Variants in PDGFC observed in about 807,000 individuals in gnomAD.
PDGFC encodes platelet derived growth factor C, also known as platelet-derived growth factor C.
A neutral mutation model predicts 35.5 loss-of-function variants in PDGFC; 12 were observed. That is an observed-to-expected ratio of 0.34 (90% confidence interval 0.22 to 0.55). The LOEUF (loss-of-function observed/expected upper bound fraction) is 0.55. Ranked by LOEUF, PDGFC falls within the 20% of genes least tolerant of loss-of-function variation. PDGFC has a pLI of 0.91. For synonymous variants in PDGFC, 159 were observed against 148.8 expected, an observed-to-expected ratio of 1.07 and a Z score of -0.50; for missense variants, 322 against 412.4, an observed-to-expected ratio of 0.78 and a Z score of 1.90.
chr4:156,893,601 T>C (rs1186205988), intron 1 of PDGFC, among the ~76,000 whole-genome samples: 1 of 151,844 alleles, frequency 6.6e-6, no homozygotes, highest in Non-Finnish European at 1.5e-5. Flanking sequence ...CCTCCCAAAG[T>C]TGCTGGGATT....
chr4:156,945,242 T>TA (rs1731910077), intron 1 of PDGFC, among the ~76,000 whole-genome samples: 1 of 150,662 alleles, frequency 6.6e-6, no homozygotes, highest in Non-Finnish European at 1.5e-5. Flanking sequence ...GCATATGTCA[T>TA]AAATGCTAAC....
At chr4:156,785,471 C>T (rs1731096885) in intron 3 of PDGFC, among the ~76,000 whole-genome samples, 1 of 152,100 alleles carries the variant, frequency 6.6e-6, no homozygotes, top group South Asian at 2.1e-4. Flanking sequence ...GCCTCAGCCT[C>T]CCAAAGTGCT....
chr4:156,766,998 T>G (rs1730555865), intron 5 of PDGFC, among the ~76,000 whole-genome samples: 1 of 152,122 alleles, frequency 6.6e-6, no homozygotes, highest in South Asian at 2.1e-4. Context: ...ATTGAAATGA[T>G]GTCAGAAGGG....
intron 1 of PDGFC, among the ~76,000 whole-genome samples, chr4:156,951,287 G>T (rs1463594096): frequency 6.6e-6 from 1 of 151,832 alleles, no homozygotes; most frequent in Non-Finnish European, 1.5e-5. Context: ...ATTTCATTGT[G>T]AGGCTTCATT....
chr4:156,838,555 T>C lies in PDGFC; in HGVS notation c.314+11666A>G, dbSNP rs114035635. ...CCTGATAGAGAATGAAGTCAACTAGTAGAATGCAAATCTATACAGGCAGAG... is the reference window on the plus strand; with the variant it reads ...CCTGATAGAGAATGAAGTCAACTAGCAGAATGCAAATCTATACAGGCAGAG... On this transcript the variant is annotated intron_variant, in intron 2 of 5. Coordinates refer to ENST00000502773, the MANE Select transcript of PDGFC (RefSeq NM_016205.3). Among the ~76,000 whole-genome samples, 1,396 of 152,236 alleles carry C rather than the reference T, an allele frequency of 9.2e-3. 27 individuals carry two copies. The highest frequency in any genetic ancestry group is 0.031 in the African/African-American group (1,275 of 41,522).
chr4:156,789,995 A>AAAAG (rs1731248769), intron 3 of PDGFC, among the ~76,000 whole-genome samples: 1 of 146,432 alleles, frequency 6.8e-6, no homozygotes, highest in Non-Finnish European at 1.5e-5. Flanking sequence ...AAAAAAAAAA[A>AAAAG]AAAGAAAGAA....
intron 3 of PDGFC, chr4:156,773,674 T>G (rs1414297184): frequency 6.6e-6 from 1 of 152,138 alleles, no homozygotes; most frequent in Non-Finnish European, 1.5e-5. Context: ...TTATTTCACA[T>G]ACGAAAAAAG....
intron 1 of PDGFC, among the ~76,000 whole-genome samples, chr4:156,932,403 C>T (rs1415507762): frequency 6.6e-6 from 1 of 152,038 alleles, no homozygotes; most frequent in African/African-American, 2.4e-5. Flanking sequence ...TGGGTATATA[C>T]CCAAAGGATT....
In PDGFC at chr4:156,766,047, G is replaced by A. The variant is rs564507556; in HGVS notation, c.921+1726C>T. Among the ~76,000 whole-genome samples, 181 of 152,248 alleles carry A rather than the reference G, an allele frequency of 1.2e-3. 1 individual carries two copies. Among genetic ancestry groups the A allele is most frequent in the Middle Eastern group, 6.8e-3 (2 of 294 alleles). ...CAAATGTTAGGTTCAAAACTGGGAT[G>A]TCTAGCTTTGGAGTTTGTGTTCTCA... On this transcript the variant is annotated intron_variant, in intron 5 of 5. Transcript: ENST00000502773.
intron 1 of PDGFC, among the ~76,000 whole-genome samples, chr4:156,946,583 G>A (rs909801266): frequency 5.3e-5 from 8 of 151,962 alleles, no homozygotes; most frequent in Non-Finnish European, 1.0e-4. Flanking sequence ...CTAGGTCCCC[G>A]AAGGAAGAGC....
At chr4:156,816,236 G>T (rs1453143010) in intron 2 of PDGFC, among the ~76,000 whole-genome samples, 1 of 152,148 alleles carries the variant, frequency 6.6e-6, no homozygotes, top group Admixed American at 6.5e-5. Flanking sequence ...TAGTGTGAAA[G>T]AAACCCTGCC....
At chr4:156,921,646 C>G (rs948818562) in intron 1 of PDGFC, among the ~76,000 whole-genome samples, 8 of 152,080 alleles carry the variant, frequency 5.3e-5, no homozygotes, top group African/African-American at 1.7e-4. Context: ...TACAACGAAG[C>G]TTTTAGCTGA....
At chr4:156,914,405 G>A (rs1465240231) in intron 1 of PDGFC, among the ~76,000 whole-genome samples, 1 of 152,054 alleles carries the variant, frequency 6.6e-6, no homozygotes, top group African/African-American at 2.4e-5. Flanking sequence ...TCCATTGTTT[G>A]ATGAACCCCT....
rs907654804 is a variant in PDGFC, at chr4:156,910,612, T to A, written c.118+60174A>T. Among the ~76,000 whole-genome samples, 9 of 152,052 alleles carry A rather than the reference T, an allele frequency of 5.9e-5. No individual in the cohort carries two copies. In the East Asian group the frequency reaches 1.2e-3, roughly 20 times the overall value. Reference sequence around the variant, plus strand: ...CATATTGACTTTTATTAAAAAAAAATTGCCAACTTACTTCTTGAGACGGCT... The same window carrying A: ...CATATTGACTTTTATTAAAAAAAAAATGCCAACTTACTTCTTGAGACGGCT... On this transcript the variant is annotated intron_variant, in intron 1 of 5. Transcript: ENST00000502773.
chr4:156,872,188 A>G (rs1299653544), intron 1 of PDGFC, among the ~76,000 whole-genome samples: 1 of 152,210 alleles, frequency 6.6e-6, no homozygotes, highest in Non-Finnish European at 1.5e-5. Context: ...TGTGCTTGCC[A>G]TTTAATATAT....
At chr4:156,875,818 G>C (rs547316044) in intron 1 of PDGFC, among the ~76,000 whole-genome samples, 1 of 152,244 alleles carries the variant, frequency 6.6e-6, no homozygotes, top group African/African-American at 2.4e-5. Context: ...GGGAGGCAGA[G>C]GCTGCAGTGA....
chr4:156,938,976 A>G (rs1731745332), intron 1 of PDGFC, among the ~76,000 whole-genome samples: 1 of 152,110 alleles, frequency 6.6e-6, no homozygotes, highest in African/African-American at 2.4e-5. Flanking sequence ...AATCCCATCA[A>G]ATATCATAAT....
chr4:156,839,665 A>G (rs1054716534), intron 2 of PDGFC, among the ~76,000 whole-genome samples: 19 of 152,188 alleles, frequency 1.2e-4, no homozygotes, highest in Admixed American at 9.2e-4. Context: ...GGATCAGAAG[A>G]AGACAGGAAA....
At chr4:156,789,752 G>A (rs191589175) in intron 3 of PDGFC, among the ~76,000 whole-genome samples, 94 of 152,162 alleles carry the variant, frequency 6.2e-4, no homozygotes, top group Middle Eastern at 3.4e-3. Context: ...CGAGGCAGGC[G>A]GATCATGAGG....
Sources: gnomAD v4.1 joint callset for allele counts (sites outside exome capture counted in the v4.1 genomes callset) on GRCh38, gnomAD v4.1.1 for gene constraint, MANE v1.5 for transcripts, NCBI Gene and HGNC (gene_info 2026-07-23, HGNC 2026-07-21) for gene names.